Variants in CACNA1E observed in about 807,000 individuals in gnomAD.
CACNA1E encodes the protein calcium voltage-gated channel subunit alpha1 E.
A neutral mutation model predicts 259.2 loss-of-function variants in CACNA1E; 40 were observed. That is an observed-to-expected ratio of 0.15 (90% CI 0.12 to 0.20). The LOEUF is 0.20. CACNA1E is among the 10% of genes least tolerant of loss of function. CACNA1E has a pLI of 1.00. For missense variants in CACNA1E, 1,874 were observed against 3,040.1 expected, an observed-to-expected ratio of 0.62 and a Z score of 9.02; for synonymous variants, 1,104 against 1,138.5, an observed-to-expected ratio of 0.97 and a Z score of 0.61.
intron 23 of CACNA1E, among the ~76,000 whole-genome samples, chr1:181,737,865 G>T (rs908923765): frequency 6.6e-6 from 1 of 152,072 alleles, no homozygotes; most frequent in African/African-American, 2.4e-5. Flanking sequence ...CCCCAAACCG[G>T]CCAGGGCTCT....
At chr1:181,695,095 A>T (rs531076336) in intron 7 of CACNA1E, among the ~76,000 whole-genome samples, 21 of 152,218 alleles carry the variant, frequency 1.4e-4, no homozygotes, top group South Asian at 2.1e-4. Context: ...AGTTAAATTT[A>T]AATTTAAATT....
chr1:181,607,285 G>T (rs145832292), intron 6 of CACNA1E, among the ~76,000 whole-genome samples: 1 of 152,174 alleles, frequency 6.6e-6, no homozygotes. Context: ...ACCTAGTCCT[G>T]TTCTGTTTTG....
intron 6 of CACNA1E, among the ~76,000 whole-genome samples, chr1:181,581,484 G>A (rs1302903160): frequency 1.3e-5 from 2 of 152,090 alleles, no homozygotes; most frequent in African/African-American, 4.8e-5. Flanking sequence ...AGTGAGCTGT[G>A]CTTTTTTCAA....
At chr1:181,657,416 A>C (rs1659294903) in intron 7 of CACNA1E, among the ~76,000 whole-genome samples, 1 of 152,222 alleles carries the variant, frequency 6.6e-6, no homozygotes, top group Admixed American at 6.5e-5. Flanking sequence ...TTGGAAATGA[A>C]TACCAGAAGA....
At chr1:181,736,581 G>A in intron 22 of CACNA1E, 147 bp downstream of exon 22, 1 of 738,762 alleles carries the variant, frequency 1.4e-6, no homozygotes, top group Non-Finnish European at 2.2e-6. Context: ...TTGAGCATCT[G>A]GGGTGCCCCC....
At chr1:181,425,477 G>T (rs192575065) in intron 2 of CACNA1E, among the ~76,000 whole-genome samples, 1 of 145,762 alleles carries the variant, frequency 6.9e-6, no homozygotes, top group East Asian at 1.9e-4. Context: ...GGAGGAATTC[G>T]CTTTGGCCTT....
At chr1:181,724,588 C>A in intron 17 of CACNA1E, 51 bp downstream of exon 17, 1 of 1,440,390 alleles carries the variant, frequency 6.9e-7, no homozygotes, top group African/African-American at 1.4e-5. Context: ...CATTGGGTAC[C>A]CTTTGGCCTT....
chr1:181,566,652 C>A (rs1450132096), intron 3 of CACNA1E, among the ~76,000 whole-genome samples: 1 of 152,156 alleles, frequency 6.6e-6, no homozygotes, highest in Non-Finnish European at 1.5e-5. Flanking sequence ...CACGTTCAGG[C>A]CAAGCTTCAT....
intron 7 of CACNA1E, among the ~76,000 whole-genome samples, chr1:181,687,864 G>A (rs1272593144): frequency 2.0e-5 from 3 of 151,926 alleles, no homozygotes; most frequent in African/African-American, 7.3e-5. Flanking sequence ...GAATCACATA[G>A]AATATGCCAG....
chr1:181,567,939 G>GTA lies in CACNA1E; in HGVS notation c.513-9816_513-9815dup, dbSNP rs368435648. Among the ~76,000 whole-genome samples the GTA allele has an allele frequency of 2.0e-4, 30 of 151,604 alleles. No individual in the cohort carries two copies. The East Asian group carries it at 2.5e-3, about 13-fold the overall frequency. ...ACATTATGTAATTTTATGTATGTGT[G>GTA]TATATATATATACACACATATATAT... On this transcript the variant is annotated intron_variant, in intron 3 of 47. Transcript: ENST00000367573.
chr1:181,496,681 A>G (rs1393884175), intron 1 of CACNA1E, among the ~76,000 whole-genome samples: 4 of 152,136 alleles, frequency 2.6e-5, no homozygotes, highest in African/African-American at 9.7e-5. Flanking sequence ...TAGGGATATT[A>G]GGGGCATTTT....
chr1:181,542,075 T>G (rs978613107), intron 3 of CACNA1E, among the ~76,000 whole-genome samples: 7 of 152,272 alleles, frequency 4.6e-5, no homozygotes, highest in African/African-American at 1.7e-4. Context: ...GAAAGTCACA[T>G]GATCAGGAAC....
intron 19 of CACNA1E, among the ~76,000 whole-genome samples, chr1:181,731,553 C>T (rs577465424): frequency 5.9e-5 from 9 of 152,272 alleles, no homozygotes; most frequent in Admixed American, 1.3e-4. Flanking sequence ...TGGGCCTCAG[C>T]GAGGATGCGT....
intron 3 of CACNA1E, among the ~76,000 whole-genome samples, chr1:181,570,048 G>T (rs997011894): frequency 6.6e-6 from 1 of 152,102 alleles, no homozygotes; most frequent in Non-Finnish European, 1.5e-5. Flanking sequence ...AGCCAGGAGG[G>T]GTCTGAGAGG....
chr1:181,574,748 C>T (rs1650778283), intron 3 of CACNA1E, among the ~76,000 whole-genome samples: 1 of 152,088 alleles, frequency 6.6e-6, no homozygotes, highest in African/African-American at 2.4e-5. Flanking sequence ...CATTGTTGGC[C>T]AGGTATGGTG....
At chr1:181,496,080 C>G (rs1181709755) in intron 1 of CACNA1E, among the ~76,000 whole-genome samples, 1 of 152,172 alleles carries the variant, frequency 6.6e-6, no homozygotes, top group Non-Finnish European at 1.5e-5. Context: ...AATAGTCTTT[C>G]CATAAGACTT....
intron 40 of CACNA1E, 132 bp downstream of exon 40, chr1:181,783,916 AG>A: frequency 3.4e-6 from 2 of 587,960 alleles, no homozygotes; most frequent in Non-Finnish European, 6.3e-6. Context: ...CTGAACATCA[AG>A]TATCTGACTC....
chr1:181,611,355 G>T (rs1358513188), intron 6 of CACNA1E, among the ~76,000 whole-genome samples: 1 of 151,632 alleles, frequency 6.6e-6, no homozygotes, highest in East Asian at 1.9e-4. Flanking sequence ...TCTAAGGAAA[G>T]ATTCTAATTT....
rs967463890 is a variant in CACNA1E at position 181,734,064 on chromosome 1, G to T, written c.3262+314G>T. Among the ~76,000 whole-genome samples, 7 of 152,276 alleles carry T rather than the reference G, an allele frequency of 4.6e-5. No individual in the cohort carries two copies. The East Asian group carries it at 1.3e-3, about 29-fold the overall frequency. On this transcript the variant is annotated intron_variant, in intron 21 of 47. Coordinates refer to ENST00000367573, the MANE Select transcript of CACNA1E (RefSeq NM_001205293.3). ...CTTTGGTGCATGAATATTTGATGGT[G>T]TTGTCTGGGGTCTCCCAGGTGCTCT...
Sources: allele counts gnomAD v4.1 joint callset (sites outside exome capture counted in the v4.1 genomes callset), GRCh38; gene constraint gnomAD v4.1.1; transcripts MANE v1.5; gene names NCBI Gene and HGNC (gene_info 2026-07-23, HGNC 2026-07-21).